Variants in PCSK5 observed in about 807,000 individuals in gnomAD.
PCSK5 encodes the protein prohormone convertase 5.
Under a neutral mutation model 233.2 loss-of-function variants are expected in PCSK5, and 129 were observed. The observed-to-expected ratio is 0.55, with a 90% confidence interval of 0.48 to 0.64. The LOEUF is 0.64. Ranked by LOEUF, PCSK5 falls within the 30% of genes least tolerant of loss-of-function variation. The pLI, the probability that PCSK5 is intolerant of heterozygous loss-of-function variation, is 0.00. For synonymous variants in PCSK5, 825 were observed against 879.2 expected (o/e 0.94, Z 1.09); for missense variants, 2,076 against 2,430.1 (o/e 0.85, Z 3.06).
In PCSK5 at chr9:76,359,204, A is replaced by T. The variant is rs1830380946; in HGVS notation, c.*282A>T. 2.6e-6 allele frequency: 1 copy of T among 390,052 alleles called. No individual in the cohort carries two copies. The highest frequency in any genetic ancestry group is 4.7e-6 in the Non-Finnish European group (1 of 213,742). 24.2% of individuals were successfully genotyped at this position (390,052 alleles called of 1,614,324 possible). On this transcript the variant is annotated 3_prime_UTR_variant, in exon 38 of 38. Coordinates refer to ENST00000674117, the MANE Select transcript of PCSK5 (RefSeq NM_001372043.1). ...TGTGTTAAGACACAAAAATGAAGGAAGTGAAAACAAATGAGATTTGTACAA... is the reference window on the plus strand; with the variant it reads ...TGTGTTAAGACACAAAAATGAAGGATGTGAAAACAAATGAGATTTGTACAA...
At chr9:76,344,893 GGAC>G (rs145109331) in intron 35 of PCSK5, among the ~76,000 whole-genome samples, 2,964 of 152,216 alleles carry the variant, frequency 0.019, 35 homozygotes, top group Non-Finnish European at 0.028. Context: ...AATCAAAACA[GGAC>G]GACACCAGCC....
chr9:76,311,751 G>A (rs886861657), intron 30 of PCSK5, among the ~76,000 whole-genome samples: 8 of 152,108 alleles, frequency 5.3e-5, no homozygotes, highest in African/African-American at 1.4e-4. Flanking sequence ...TCACTTCAGC[G>A]GCCAACAAGG....
rs1017753055 is a variant in PCSK5 at position 76,279,425 on chromosome 9, C to G, written c.3143-12808C>G. On this transcript the variant is annotated intron_variant, in intron 24 of 37. Transcript: ENST00000674117. ...TGATTTATAGTCCTTTGGGTATATA[C>G]CCAGTAATGGGATGGCTGGGTCAAA... 1.5e-4 allele frequency among the ~76,000 whole-genome samples: 23 copies of G among 151,062 alleles called. 1 individual carries two copies. The South Asian group carries it at 3.4e-3, about 22-fold the overall frequency.
intron 2 of PCSK5, among the ~76,000 whole-genome samples, chr9:75,946,709 G>A (rs1974322): frequency 6.6e-6 from 1 of 151,858 alleles, no homozygotes; most frequent in African/African-American, 2.4e-5. Flanking sequence ...CTGCCTCAGC[G>A]TCCCAAGTAG....
At position 75,891,062 on chromosome 9, in the gene PCSK5, C is replaced by CTGCGAGCTGCGGCGGCCCGGGGA; in HGVS notation, c.-98_-97insATGCGAGCTGCGGCGGCCCGGGG. ...GCCGCCTCCTGCCGATCGCCCGGGG[C>CTGCGAGCTGCGGCGGCCCGGGGA]TGCGAGCTGCGGCGGCCCGGGGCTG... On this transcript the variant is annotated 5_prime_UTR_variant, in exon 1 of 38. In the 5' UTR this introduces an upstream ATG that the reference lacks. Transcript: ENST00000674117. 3 of 931,618 alleles carry CTGCGAGCTGCGGCGGCCCGGGGA rather than the reference C, an allele frequency of 3.2e-6. No homozygotes were observed. The highest frequency in any genetic ancestry group is 4.4e-6 in the Non-Finnish European group (3 of 686,686). 57.7% of individuals were successfully genotyped at this position (931,618 alleles called of 1,614,324 possible).
chr9:76,064,875 C>T (rs79518863), intron 5 of PCSK5, among the ~76,000 whole-genome samples: 5,285 of 152,300 alleles, frequency 0.035, 256 homozygotes, highest in African/African-American at 0.11. Context: ...TTTGTAGAGA[C>T]GCAGTCTCCC....
At position 76,181,488 on chromosome 9, in the gene PCSK5, G is replaced by A. The variant is rs200793646; in HGVS notation, c.2094G>A (p.Gly698=). 7 of 1,614,028 alleles carry A rather than the reference G, an allele frequency of 4.3e-6. No homozygotes were observed. The highest frequency in any genetic ancestry group is 5.9e-6 in the Non-Finnish European group (7 of 1,179,918). The change falls in exon 16 of 38, where the codon GGG becomes GGA. Residue 698 remains glycine (G), a synonymous_variant. Coordinates refer to ENST00000674117, the MANE Select transcript of PCSK5 (RefSeq NM_001372043.1). ...CCCCCAACTGTGAGTCCTGCTTTGG[G>A]AGCCATGGTGACCAATGCATGTCCT... ...KCAPNCESCF[G]SHGDQCMSCK... is the part of the protein sequence containing the mutation.
intron 20 of PCSK5, among the ~76,000 whole-genome samples, chr9:76,203,440 G>T (rs1483105258): frequency 6.6e-6 from 1 of 151,586 alleles, no homozygotes; most frequent in East Asian, 2.0e-4. Flanking sequence ...TGTCCAGATG[G>T]GCCCAAGGTA....
chr9:76,071,617 A>C (rs1830483345), intron 6 of PCSK5, 109 bp from the exon 7 acceptor site: 1 of 884,882 alleles, frequency 1.1e-6, no homozygotes, highest in Admixed American at 2.3e-5. Context: ...ATGCTCACTT[A>C]AGTGTTGATT....
intron 2 of PCSK5, among the ~76,000 whole-genome samples, chr9:75,958,684 A>T (rs1825203126): frequency 6.6e-6 from 1 of 152,184 alleles, no homozygotes; most frequent in Non-Finnish European, 1.5e-5. Flanking sequence ...CAGAAGAACT[A>T]GTTCTGTCTC....
At chr9:76,108,181 A>G (rs1177863849) in intron 9 of PCSK5, among the ~76,000 whole-genome samples, 2 of 152,180 alleles carry the variant, frequency 1.3e-5, no homozygotes, top group South Asian at 2.1e-4. Context: ...TGTATCATGT[A>G]TGTTATAGGC....
At chr9:76,075,306 C>G (rs973121213) in intron 7 of PCSK5, among the ~76,000 whole-genome samples, 3 of 151,980 alleles carry the variant, frequency 2.0e-5, no homozygotes, top group African/African-American at 7.3e-5. Flanking sequence ...TTTGTTCTTC[C>G]TATGTCTGTA....
At chr9:75,915,218 A>T (rs553113460) in intron 1 of PCSK5, among the ~76,000 whole-genome samples, 2 of 152,354 alleles carry the variant, frequency 1.3e-5, no homozygotes, top group South Asian at 4.1e-4. Context: ...CTGGCAAGCT[A>T]ACCTTGGCTT....
rs1160007838 is a variant in PCSK5 at position 76,150,617 on chromosome 9, G to T, written c.1313-6428G>T. Among the ~76,000 whole-genome samples the T allele has an allele frequency of 3.3e-5, 5 of 152,112 alleles. No individual in the cohort carries two copies. The East Asian group carries it at 9.6e-4, about 29-fold the overall frequency. The stretch of plus-strand genomic sequence containing the variant: ...CATTGCACTCCAGCCTGGGCAACAA[G>T]AGTGAAACTCCATCTCTAAATAAAT... On this transcript the variant is annotated intron_variant, in intron 10 of 37. Transcript: ENST00000674117.
rs372452938 is a variant in PCSK5 at position 76,332,590 on chromosome 9, C to T, written c.4728C>T (p.Cys1576=). 3.7e-4 allele frequency: 597 copies of T among 1,597,014 alleles called. No homozygotes were observed. The highest frequency in any genetic ancestry group is 4.4e-4 in the Non-Finnish European group (518 of 1,171,436). ...GCTGGTTCCAGCTAGGAAAAGAGTG[C>T]CTGCTCCAGTGCAGGGAAGGGTAAG... ...RPGWFQLGKE[C]LLQCREGYYA... Residue 1576 remains cysteine (C), a synonymous_variant, in exon 34 of 38, where the codon TGC becomes TGT. Transcript: ENST00000674117.
intron 2 of PCSK5, among the ~76,000 whole-genome samples, chr9:75,979,131 G>T (rs993950414): frequency 1.3e-5 from 2 of 151,960 alleles, no homozygotes; most frequent in African/African-American, 4.8e-5. Flanking sequence ...TGGGATTATC[G>T]CGTCCACCCT....
rs561580769 is a variant in PCSK5 at position 76,080,684 on chromosome 9, C to T, written c.894+8786C>T. On this transcript the variant is annotated intron_variant, in intron 7 of 37. Coordinates refer to ENST00000674117, the MANE Select transcript of PCSK5 (RefSeq NM_001372043.1). ...TTTGTGTCATGTTCAGGTTAATTAGCCTCTCTGAGGATCAGTTTGTTTCTA... is the reference window on the plus strand; with the variant it reads ...TTTGTGTCATGTTCAGGTTAATTAGTCTCTCTGAGGATCAGTTTGTTTCTA... Among the ~76,000 whole-genome samples, 3 of 152,216 alleles carry T rather than the reference C, an allele frequency of 2.0e-5. No individual in the cohort carries two copies. The South Asian group carries it at 6.2e-4, about 32-fold the overall frequency.
In PCSK5 at chr9:76,362,342, T is replaced by G. The variant is rs903286111; in HGVS notation, c.*3420T>G. On this transcript the variant is annotated 3_prime_UTR_variant, in exon 38 of 38. Coordinates refer to ENST00000674117, the MANE Select transcript of PCSK5 (RefSeq NM_001372043.1). ...GAAATAAAATTAAATCAAGACCAGA[T>G]AATGCTATGGAGACTTACTTATTAA... 2 of 152,238 alleles carry G rather than the reference T, an allele frequency of 1.3e-5. No individual in the cohort carries two copies. Among genetic ancestry groups the G allele is most frequent in the African/African-American group, 2.4e-5 (1 of 41,460 alleles). 9.4% of individuals were successfully genotyped at this position (152,238 alleles called of 1,614,324 possible). A position where few individuals can be genotyped will look rare whatever the true frequency, so the allele number is the denominator to read the frequency against.
chr9:76,188,692 T>G lies in PCSK5; in HGVS notation c.2380+17T>G, dbSNP rs778836375. 3 of 1,586,548 alleles carry G rather than the reference T, an allele frequency of 1.9e-6. No homozygotes were observed. The South Asian group carries it at 3.3e-5, about 18-fold the overall frequency. On this transcript the variant is annotated intron_variant, in intron 18 of 37. Coordinates refer to ENST00000674117, the MANE Select transcript of PCSK5 (RefSeq NM_001372043.1). ...CTTGTGCTGGTACCTTCCCTAGTTC[T>G]TTTGTTTATTCTCCCGGTTCTGGTT...
Sources: gnomAD v4.1 joint callset for allele counts (sites outside exome capture counted in the v4.1 genomes callset) on GRCh38, gnomAD v4.1.1 for gene constraint, MANE v1.5 for transcripts, NCBI Gene and HGNC (gene_info 2026-07-23, HGNC 2026-07-21) for gene names.